Variants in SOX6 observed in about 807,000 individuals in gnomAD.
SOX6 encodes SRY-box transcription factor 6, also known as transcription factor SOX-6.
Under a neutral mutation model 97.8 loss-of-function variants are expected in SOX6, and 11 were observed. The ratio of observed to expected loss-of-function variants is 0.11; its 90% CI spans 0.07 to 0.19. The LOEUF (loss-of-function observed/expected upper bound fraction) is 0.19. Among genes scored for constraint, SOX6 ranks in the 10% least tolerant of loss-of-function variants. The pLI, the probability that SOX6 is intolerant of heterozygous loss-of-function variation, is 1.00. For synonymous variants in SOX6, 360 were observed against 371.4 expected, an observed-to-expected ratio of 0.97 and a Z score of 0.35; for missense variants, 810 against 1,039.5, an observed-to-expected ratio of 0.78 and a Z score of 3.04.
chr11:15,985,699 C>A (rs563566665), intron 15 of SOX6, among the ~76,000 whole-genome samples: 1 of 152,266 alleles, frequency 6.6e-6, no homozygotes, highest in South Asian at 2.1e-4. Context: ...ACTGCTCCCA[C>A]CACAGAATAA....
At chr11:16,283,671 T>G (rs1477323750) in intron 3 of SOX6, 1 of 176,920 alleles carries the variant, frequency 5.7e-6, no homozygotes, top group East Asian at 1.7e-4. Flanking sequence ...ATTTTTATTT[T>G]GTGTTCTTAA....
intron 7 of SOX6, among the ~76,000 whole-genome samples, chr11:16,103,383 G>A (rs78243158): frequency 0.012 from 1,854 of 151,884 alleles, 36 homozygotes; most frequent in African/African-American, 0.042. Flanking sequence ...TGATACTGGC[G>A]TGGATGTGGT....
chr11:16,460,386 C>A (rs12278175), intron 1 of SOX6, among the ~76,000 whole-genome samples: 48 of 152,058 alleles, frequency 3.2e-4, no homozygotes, highest in African/African-American at 1.0e-3. Context: ...TTTTGAATCC[C>A]ACCTCATGTC....
chr11:16,594,892 C>T (rs1262737312), intron 4 of SOX6, among the ~76,000 whole-genome samples: 4 of 151,868 alleles, frequency 2.6e-5, no homozygotes, highest in Non-Finnish European at 5.9e-5. Flanking sequence ...GGGGTTTCAC[C>T]GTGTTAGCCA....
At chr11:16,390,785 G>A (rs1245405436) in intron 1 of SOX6, among the ~76,000 whole-genome samples, 1 of 152,170 alleles carries the variant, frequency 6.6e-6, no homozygotes, top group Non-Finnish European at 1.5e-5. Context: ...AAAATGTGGC[G>A]ATGCCTCAAG....
chr11:16,570,952 G>A (rs528795934), intron 4 of SOX6, among the ~76,000 whole-genome samples: 75 of 152,234 alleles, frequency 4.9e-4, no homozygotes, highest in African/African-American at 1.7e-3. Context: ...AATTTTAAAT[G>A]AGTAAACATC....
chr11:16,640,644 C>T (rs112943100), intron 3 of SOX6, among the ~76,000 whole-genome samples: 1,728 of 151,980 alleles, frequency 0.011, 23 homozygotes, highest in African/African-American at 0.039. Flanking sequence ...CTTGGGAGGG[C>T]GTATGTGTCG....
At chr11:16,182,915 A>T (rs59732810) in intron 6 of SOX6, among the ~76,000 whole-genome samples, 3,923 of 151,500 alleles carry the variant, frequency 0.026, 163 homozygotes, top group African/African-American at 0.088. Context: ...TTTTTTTTTT[A>T]AAATACAGAA....
intron 7 of SOX6, among the ~76,000 whole-genome samples, chr11:16,109,860 C>G (rs1341941285): frequency 6.6e-6 from 1 of 152,114 alleles, no homozygotes; most frequent in African/African-American, 2.4e-5. Flanking sequence ...CTTCCTACAT[C>G]TCAAAACCCA....
chr11:16,129,645 T>C (rs1456116802), intron 6 of SOX6, among the ~76,000 whole-genome samples: 5 of 152,116 alleles, frequency 3.3e-5, no homozygotes, highest in African/African-American at 9.7e-5. Context: ...GGTTTCAACT[T>C]TGAAAATCAA....
chr11:15,996,378 C>T (rs1251845695), intron 13 of SOX6, among the ~76,000 whole-genome samples: 1 of 152,118 alleles, frequency 6.6e-6, no homozygotes, highest in Non-Finnish European at 1.5e-5. Flanking sequence ...CCTGCAATTT[C>T]AGCACTTTGG....
chr11:16,289,356 G>A (rs1304700298), intron 3 of SOX6, among the ~76,000 whole-genome samples: 2 of 151,912 alleles, frequency 1.3e-5, no homozygotes, highest in Non-Finnish European at 2.9e-5. Flanking sequence ...GCACACTCTG[G>A]TAGCTTCCAT....
intron 3 of SOX6, among the ~76,000 whole-genome samples, chr11:16,298,903 A>G (rs1401076695): frequency 6.6e-6 from 1 of 152,132 alleles, no homozygotes; most frequent in Non-Finnish European, 1.5e-5. Flanking sequence ...AAGAGTAGTC[A>G]TGAAATAAGA....
chr11:16,110,517 T>C lies in SOX6; in HGVS notation c.898+1286A>G, dbSNP rs780769023. On this transcript the variant is annotated intron_variant, in intron 7 of 15. Coordinates refer to ENST00000683767, the MANE Select transcript of SOX6 (RefSeq NM_001367873.1). ...ATCATGCTCTAGAAAAATGAATTTTTAACAATTTGAATGACATAATTTTCT... is the reference window on the plus strand; with the variant it reads ...ATCATGCTCTAGAAAAATGAATTTTCAACAATTTGAATGACATAATTTTCT... The C allele has an allele frequency of 2.6e-5, 4 of 152,294 alleles. No individual in the cohort carries two copies. In the South Asian group the frequency reaches 8.3e-4, roughly 32 times the overall value. 9.4% of individuals were successfully genotyped at this position (152,294 alleles called of 1,614,324 possible).
chr11:16,494,008 C>CA (rs1860553828), intron 4 of SOX6, among the ~76,000 whole-genome samples: 2 of 152,090 alleles, frequency 1.3e-5, no homozygotes, highest in South Asian at 4.1e-4. Flanking sequence ...TAGAACCAAT[C>CA]AAAAAGTCCA....
chr11:16,730,803 C>T (rs1284761103), intron 2 of SOX6, among the ~76,000 whole-genome samples: 1 of 152,046 alleles, frequency 6.6e-6, no homozygotes, highest in Non-Finnish European at 1.5e-5. Flanking sequence ...TTCAATAAAT[C>T]CAGGAGCTGA....
intron 4 of SOX6, among the ~76,000 whole-genome samples, chr11:16,219,421 CA>C (rs1852472004): frequency 6.6e-6 from 1 of 151,978 alleles, no homozygotes; most frequent in Admixed American, 6.6e-5. Flanking sequence ...AGTTTACTAG[CA>C]GAGTACACGA....
intron 6 of SOX6, among the ~76,000 whole-genome samples, chr11:16,126,681 C>T (rs1564968580): frequency 6.6e-6 from 1 of 152,088 alleles, no homozygotes; most frequent in Admixed American, 6.6e-5. Context: ...TGGTTAAACC[C>T]ATTTATTGTA....
chr11:16,681,923 A>G (rs1055278573), intron 3 of SOX6, among the ~76,000 whole-genome samples: 1 of 152,218 alleles, frequency 6.6e-6, no homozygotes, highest in Non-Finnish European at 1.5e-5. Context: ...AAGAAGTTGA[A>G]TCTCCGAATA....
Sources: allele counts gnomAD v4.1 joint callset (sites outside exome capture counted in the v4.1 genomes callset), GRCh38; gene constraint gnomAD v4.1.1; transcripts MANE v1.5; gene names NCBI Gene and HGNC (gene_info 2026-07-23, HGNC 2026-07-21).